Variants in RBFOX1 observed in about 807,000 individuals in gnomAD.
RBFOX1 encodes RNA binding fox-1 homolog 1, also known as RNA binding protein fox-1 homolog 1.
Under a neutral mutation model 57.7 loss-of-function variants are expected in RBFOX1, and 8 were observed. That is an observed-to-expected ratio of 0.14 (90% CI 0.08 to 0.25). The LOEUF is 0.25. Ranked by LOEUF, RBFOX1 falls within the 10% of genes least tolerant of loss-of-function variation. The pLI is 1.00. For synonymous variants in RBFOX1, 326 were observed against 222.4 expected (o/e 1.47, Z -4.15); for missense variants, 611 against 548.5 (o/e 1.11, Z -1.14).
intron 4 of RBFOX1, among the ~76,000 whole-genome samples, chr16:7,062,333 A>G (rs980872203): frequency 1.2e-4 from 18 of 149,636 alleles, no homozygotes; most frequent in East Asian, 1.2e-3. Context: ...AAAAAAAAAA[A>G]AAAAAGAAAA....
rs1410181359 is a variant in RBFOX1, at chr16:5,964,549, ATATG to A, written c.351+97218_351+97221del. 5.4e-4 allele frequency among the ~76,000 whole-genome samples: 82 copies of A among 152,162 alleles called. 1 individual carries two copies. The highest frequency in any genetic ancestry group is 1.5e-4 in the Non-Finnish European group (10 of 68,030). On this transcript the variant is annotated intron_variant, in intron 4 of 19. Transcript: ENST00000641259. ...GTGAGATACTTGTATACATAGATAT[ATATG>A]TATATGTGTATATATGTATCTATGT...
At chr16:6,319,426 A>G (rs1025405804) in intron 2 of RBFOX1, among the ~76,000 whole-genome samples, 1 of 152,192 alleles carries the variant, frequency 6.6e-6, no homozygotes, top group Non-Finnish European at 1.5e-5. Flanking sequence ...GACCATGAGT[A>G]CTTGTTGGAT....
chr16:6,206,103 C>T (rs565042848), intron 1 of RBFOX1, among the ~76,000 whole-genome samples: 2 of 152,098 alleles, frequency 1.3e-5, no homozygotes, highest in Admixed American at 6.6e-5. Flanking sequence ...GTTGATGTTT[C>T]TGTCTTTTAA....
At chr16:5,979,777 G>A (rs1287007390) in intron 4 of RBFOX1, among the ~76,000 whole-genome samples, 3 of 152,168 alleles carry the variant, frequency 2.0e-5, no homozygotes, top group Non-Finnish European at 2.9e-5. Context: ...TAGGAGAATC[G>A]CTTGAACCCG....
intron 9 of RBFOX1, among the ~76,000 whole-genome samples, chr16:7,597,757 G>C (rs1482017053): frequency 6.6e-6 from 1 of 152,182 alleles, no homozygotes; most frequent in Non-Finnish European, 1.5e-5. Flanking sequence ...TGGAGGTTTA[G>C]TTTGTTTGCT....
chr16:5,850,141 G>A (rs965844508), intron 3 of RBFOX1, among the ~76,000 whole-genome samples: 1 of 152,168 alleles, frequency 6.6e-6, no homozygotes, highest in Admixed American at 6.5e-5. Context: ...GGCTAAGAGG[G>A]AAAGGAACTT....
At chr16:7,223,546 G>T (rs1024192491) in intron 4 of RBFOX1, among the ~76,000 whole-genome samples, 1 of 151,942 alleles carries the variant, frequency 6.6e-6, no homozygotes, top group Non-Finnish European at 1.5e-5. Flanking sequence ...AAATTTTCAG[G>T]GGCATTTGCA....
intron 4 of RBFOX1, among the ~76,000 whole-genome samples, chr16:7,210,596 A>G (rs150866458): frequency 8.0e-5 from 12 of 149,194 alleles, no homozygotes; most frequent in African/African-American, 3.0e-4. Context: ...ACTGACCGTC[A>G]TACTGATGCT....
chr16:6,140,668 T>C (rs1162660623), intron 1 of RBFOX1, among the ~76,000 whole-genome samples: 1 of 152,216 alleles, frequency 6.6e-6, no homozygotes, highest in Non-Finnish European at 1.5e-5. Flanking sequence ...CTGTGTAACT[T>C]GGATCTCTTA....
chr16:6,758,777 T>C (rs1004679826), intron 3 of RBFOX1, among the ~76,000 whole-genome samples: 1 of 152,144 alleles, frequency 6.6e-6, no homozygotes. Flanking sequence ...ACTTGCATCA[T>C]GGGGTTGAGA....
intron 5 of RBFOX1, among the ~76,000 whole-genome samples, chr16:7,553,347 G>C (rs1312326039): frequency 6.6e-6 from 1 of 151,944 alleles, no homozygotes; most frequent in Non-Finnish European, 1.5e-5. Context: ...ATCTCCCAGT[G>C]TTGCTCAGGC....
chr16:6,761,676 T>C (rs1408846052), intron 3 of RBFOX1, among the ~76,000 whole-genome samples: 3 of 151,592 alleles, frequency 2.0e-5, no homozygotes, highest in Non-Finnish European at 2.9e-5. Context: ...CTGGCTAATA[T>C]TTGTATTTTT....
chr16:7,182,636 T>C (rs1210965397), intron 4 of RBFOX1, among the ~76,000 whole-genome samples: 12 of 152,186 alleles, frequency 7.9e-5, no homozygotes, highest in African/African-American at 2.9e-4. Flanking sequence ...AAATATTCCA[T>C]AGATTCCAGA....
intron 3 of RBFOX1, among the ~76,000 whole-genome samples, chr16:6,827,671 T>G (rs897658368): frequency 1.5e-4 from 23 of 152,186 alleles, no homozygotes; most frequent in Non-Finnish European, 3.1e-4. Flanking sequence ...TTTTGAGGTC[T>G]CTTCTGATCC....
intron 3 of RBFOX1, among the ~76,000 whole-genome samples, chr16:7,000,830 C>G (rs773214678): frequency 6.6e-6 from 1 of 151,988 alleles, no homozygotes; most frequent in African/African-American, 2.4e-5. Context: ...TCTCGATCTC[C>G]TGACCTTGTG....
At position 6,853,661 on chromosome 16, in the gene RBFOX1, A is replaced by G. The variant is rs957645183; in HGVS notation, c.-15-198396A>G. Among the ~76,000 whole-genome samples the G allele has an allele frequency of 5.0e-4, 76 of 152,316 alleles. 1 individual carries two copies. The highest frequency in any genetic ancestry group is 1.8e-3 in the African/African-American group (74 of 41,566). The stretch of plus-strand genomic sequence containing the variant: ...CCCATAGTAAATGCTCTCAGCCTGT[A>G]TGGAGGCTAATTTGTGAACCTGTAG... On this transcript the variant is annotated intron_variant, in intron 3 of 15. Coordinates refer to ENST00000550418, the MANE Select transcript of RBFOX1 (RefSeq NM_018723.4).
intron 2 of RBFOX1, among the ~76,000 whole-genome samples, chr16:6,340,292 C>T (rs376851477): frequency 6.6e-6 from 1 of 152,072 alleles, no homozygotes; most frequent in Non-Finnish European, 1.5e-5. Context: ...GCCTAGCTCA[C>T]TCATGACCTA....
At chr16:5,506,880 C>A (rs1390566324) in intron 2 of RBFOX1, among the ~76,000 whole-genome samples, 6 of 152,282 alleles carry the variant, frequency 3.9e-5, no homozygotes, top group African/African-American at 1.4e-4. Flanking sequence ...TGATACCCTC[C>A]ATTTGCATTT....
intron 4 of RBFOX1, among the ~76,000 whole-genome samples, chr16:7,126,014 C>T (rs890542744): frequency 4.6e-5 from 7 of 152,076 alleles, no homozygotes; most frequent in South Asian, 4.2e-4. Flanking sequence ...ACCTGGGAGG[C>T]GGAGGTTGCA....
Sources: allele counts gnomAD v4.1 joint callset (sites outside exome capture counted in the v4.1 genomes callset), GRCh38; gene constraint gnomAD v4.1.1; transcripts MANE v1.5; gene names NCBI Gene and HGNC (gene_info 2026-07-23, HGNC 2026-07-21).